The following RC3H2 variants were observed in gnomAD, a reference collection of about 807,000 sequenced individuals.
RC3H2 encodes roquin-2.
A neutral mutation model predicts 133.3 loss-of-function variants in RC3H2; 31 were observed. That is an observed-to-expected ratio of 0.23 (90% CI 0.17 to 0.31). The LOEUF is 0.31. Ranked by LOEUF, RC3H2 falls within the 10% of genes least tolerant of loss-of-function variation. The probability of loss-of-function intolerance (pLI) is 1.00; values close to 1 mark genes in which losing one functional copy is unlikely to be tolerated. For missense variants in RC3H2, 1,175 were observed against 1,437.2 expected, an observed-to-expected ratio of 0.82 and a Z score of 2.95; for synonymous variants, 517 against 502.2, an observed-to-expected ratio of 1.03 and a Z score of -0.40.
intron 8 of RC3H2, among the ~76,000 whole-genome samples, chr9:122,879,389 G>C (rs56981916): frequency 0.015 from 2,332 of 150,536 alleles, 57 homozygotes; most frequent in East Asian, 0.073. Context: ...GTGAGACTTT[G>C]TCTAAAAAAA....
rs566094614 is a variant in RC3H2, at chr9:122,845,999, C to G, written c.*3628G>C. 1.3e-5 allele frequency: 2 copies of G among 152,290 alleles called. No individual in the cohort carries two copies. The highest frequency in any genetic ancestry group is 1.9e-4 in the East Asian group (1 of 5,188). The allele number at this position is 152,290 out of a possible 1,614,324, so 9.4% of individuals were successfully genotyped here. A position where few individuals can be genotyped will look rare whatever the true frequency, so the allele number is the denominator to read the frequency against. ...TCAAAGGTGAAATCACATGCTGAATCTGATGGTTATACATTCCACCCCTGT... is the reference window on the plus strand; with the variant it reads ...TCAAAGGTGAAATCACATGCTGAATGTGATGGTTATACATTCCACCCCTGT... On this transcript the variant is annotated 3_prime_UTR_variant, in exon 21 of 21. Transcript: ENST00000357244.
At chr9:122,895,991 TTTTC>T (rs1479244209) in intron 2 of RC3H2, among the ~76,000 whole-genome samples, 1 of 151,916 alleles carries the variant, frequency 6.6e-6, no homozygotes, top group African/African-American at 2.4e-5. Flanking sequence ...GTTCTTTTTT[TTTTC>T]CCCCCTAATG....
intron 18 of RC3H2, among the ~76,000 whole-genome samples, chr9:122,852,940 G>A (rs1053014467): frequency 1.3e-5 from 2 of 152,214 alleles, no homozygotes; most frequent in Admixed American, 6.5e-5. Flanking sequence ...GGAATAGAAA[G>A]GGGGGAAAGG....
At chr9:122,870,230 C>A (rs780610119) in intron 9 of RC3H2, among the ~76,000 whole-genome samples, 5 of 151,830 alleles carry the variant, frequency 3.3e-5, no homozygotes, top group Non-Finnish European at 7.4e-5. Flanking sequence ...CAAAAATTAG[C>A]CAGAAGTGGT....
chr9:122,878,794 G>A (rs1479415588), intron 8 of RC3H2, among the ~76,000 whole-genome samples: 1 of 151,796 alleles, frequency 6.6e-6, no homozygotes, highest in Non-Finnish European at 1.5e-5. Context: ...TGTCGCCCAG[G>A]CTGGAGTGCA....
chr9:122,852,471 C>T (rs1314786038), intron 18 of RC3H2, among the ~76,000 whole-genome samples: 70 of 116,812 alleles, frequency 6.0e-4, no homozygotes, highest in Middle Eastern at 4.6e-3. Context: ...TCTGCCCGGC[C>T]GCCCCTACTG....
At chr9:122,887,570 T>C (rs71511547) in intron 4 of RC3H2, among the ~76,000 whole-genome samples, 28,449 of 152,018 alleles carry the variant, frequency 0.19, 3,371 homozygotes, top group South Asian at 0.31. Context: ...ATGGTATATA[T>C]GAAAGCCCAT....
chr9:122,851,782 G>A (rs1830032438), intron 18 of RC3H2, among the ~76,000 whole-genome samples: 1 of 152,258 alleles, frequency 6.6e-6, no homozygotes, highest in African/African-American at 2.4e-5. Context: ...TGCAGACGGA[G>A]TCTGGTTCAC....
chr9:122,897,513 G>A lies in RC3H2; in HGVS notation c.-4C>T. 6.2e-7 allele frequency: 1 copy of A among 1,611,728 alleles called. No individual in the cohort carries two copies. The highest frequency in any genetic ancestry group is 1.1e-5 in the South Asian group (1 of 90,646). On this transcript the variant is annotated 5_prime_UTR_variant, in exon 2 of 21. Transcript: ENST00000357244. ...ATTGAGCTGCCTGCACAGGCATTGT[G>A]GAAGCTGGATGCTCGGGTTAGCAGT...
chr9:122,897,608 A>G (rs1832478933), intron 1 of RC3H2, 32 bp from the exon 2 acceptor site: 15 of 1,406,848 alleles, frequency 1.1e-5, no homozygotes, highest in Admixed American at 2.4e-5. Flanking sequence ...AATTAACCAC[A>G]TATTCATCAT....
chr9:122,862,201 T>C (rs1394516940), intron 10 of RC3H2, among the ~76,000 whole-genome samples: 4 of 152,058 alleles, frequency 2.6e-5, no homozygotes, highest in African/African-American at 4.8e-5. Context: ...TTGGAACTTA[T>C]AGAAAAAGCT....
chr9:122,855,361 A>G lies in RC3H2; in HGVS notation c.2638T>C (p.Leu880=). The part of the protein sequence containing the change: ...DSGDVKRRVH[L]FETQRRTKEE... ...TTTGTCCTTCTCTGGGTTTCAAATA[A>G]ATGTACTCTTCTCTTAACATCACCA... The change falls in exon 15 of 21, where the codon TTA becomes CTA. Residue 880 remains leucine, a synonymous_variant. Transcript: ENST00000357244. 1 of 1,613,856 alleles carries G rather than the reference A, an allele frequency of 6.2e-7. No homozygotes were observed. Among genetic ancestry groups the G allele is most frequent in the Non-Finnish European group, 8.5e-7 (1 of 1,180,012 alleles).
At position 122,879,935 on chromosome 9, in the gene RC3H2, G is replaced by C. The variant is rs1279643450; in HGVS notation, c.1093+58C>G. 6 of 1,610,792 alleles carry C rather than the reference G, an allele frequency of 3.7e-6. No homozygotes were observed. In the Admixed American group the frequency reaches 8.4e-5, roughly 22 times the overall value. ...GAAGAATGTTAGCAGTAATTCTCTT[G>C]TGTTATTCACCTCAAAAGTAGAAAA... On this transcript the variant is annotated intron_variant, in intron 7 of 20. Transcript: ENST00000357244.
intron 1 of RC3H2, among the ~76,000 whole-genome samples, chr9:122,899,955 T>C (rs1030382961): frequency 3.3e-5 from 5 of 152,236 alleles, no homozygotes; most frequent in Admixed American, 2.0e-4. Context: ...CTTTCTGAAA[T>C]GCTTTATATT....
intron 13 of RC3H2, among the ~76,000 whole-genome samples, chr9:122,856,727 A>G (rs1318148966): frequency 6.6e-6 from 1 of 152,204 alleles, no homozygotes; most frequent in Non-Finnish European, 1.5e-5. Flanking sequence ...CAGAATACTA[A>G]AGTTATAAGA....
chr9:122,854,230 T>C lies in RC3H2; in HGVS notation c.2937A>G (p.Arg979=), dbSNP rs1830159766. 1 of 1,613,746 alleles carries C rather than the reference T, an allele frequency of 6.2e-7. No individual in the cohort carries two copies. The highest frequency in any genetic ancestry group is 8.5e-7 in the Non-Finnish European group (1 of 1,179,920). Reference sequence around the variant, plus strand: ...AAAGGTCCCCAGTACTGGAATGCTTTCTATGACCAGATAAATCAGTAACAA... The same window carrying C: ...AAAGGTCCCCAGTACTGGAATGCTTCCTATGACCAGATAAATCAGTAACAA... ...RFIVTDLSGH[R]KHSSTGDLLS... is the part of the protein sequence containing the mutation. Residue 979 remains arginine (R), a synonymous_variant, in exon 17 of 21, where the codon AGA becomes AGG. Transcript: ENST00000357244.
At chr9:122,884,241 C>T (rs184300589) in intron 4 of RC3H2, among the ~76,000 whole-genome samples, 108 of 151,892 alleles carry the variant, frequency 7.1e-4, no homozygotes, top group South Asian at 4.2e-4. Flanking sequence ...TGCAGTGAGC[C>T]GAGATCGTGC....
chr9:122,875,577 T>G (rs1831299851), intron 9 of RC3H2, among the ~76,000 whole-genome samples: 1 of 152,200 alleles, frequency 6.6e-6, no homozygotes, highest in Non-Finnish European at 1.5e-5. Flanking sequence ...AAGAAGTTTG[T>G]CAAGCTCTAA....
rs1829843227 is a variant in RC3H2 at position 122,845,192 on chromosome 9, G to A, written c.*4435C>T. 6.6e-6 allele frequency: 1 copy of A among 152,198 alleles called. No individual in the cohort carries two copies. Among genetic ancestry groups the A allele is most frequent in the Non-Finnish European group, 1.5e-5 (1 of 68,034 alleles). The allele number at this position is 152,198 out of a possible 1,614,324, so 9.4% of individuals were successfully genotyped here. On this transcript the variant is annotated 3_prime_UTR_variant, in exon 21 of 21. Transcript: ENST00000357244. The stretch of plus-strand genomic sequence containing the variant: ...TTCCAGCTAAGCAAATTTATAAAAT[G>A]TAATCAATGCAACAAGAAAAACATT...
Sources: gnomAD v4.1 joint callset for allele counts (sites outside exome capture counted in the v4.1 genomes callset) on GRCh38, gnomAD v4.1.1 for gene constraint, MANE v1.5 for transcripts, NCBI Gene and HGNC (gene_info 2026-07-23, HGNC 2026-07-21) for gene names.